NPR1: variants seen among roughly 807,000 people sequenced by gnomAD.
The protein encoded by NPR1 is atrial natriuretic peptide receptor 1.
Under a neutral mutation model 116.9 loss-of-function variants are expected in NPR1, and 57 were observed. The ratio of observed to expected loss-of-function variants is 0.49; its 90% confidence interval spans 0.39 to 0.61. NPR1 has a LOEUF of 0.61. Among genes scored for constraint, NPR1 ranks in the 20% least tolerant of loss-of-function variants. NPR1 has a pLI of 0.00. For synonymous variants in NPR1, 555 were observed against 601.6 expected, an observed-to-expected ratio of 0.92 and a Z score of 1.13; for missense variants, 1,096 against 1,409.8, an observed-to-expected ratio of 0.78 and a Z score of 3.56.
Position 153,679,922 on chromosome 1 carries a change from G to A in NPR1, c.721+93G>A. On this transcript the variant is annotated intron_variant, in intron 1 of 21. Transcript: ENST00000368680. The surrounding 1 kb of genome is among the most constrained non-coding windows in gnomAD (Gnocchi z 4.2). ...TCGGGACTTTCTCTCTCATCTGGGG[G>A]CACTCTTCTTTCTCCTCGCCGTTCT... 6.9e-7 allele frequency: 1 copy of A among 1,450,312 alleles called. No homozygotes were observed. The highest frequency in any genetic ancestry group is 9.1e-7 in the Non-Finnish European group (1 of 1,095,582). 89.8% of individuals were successfully genotyped at this position (1,450,312 alleles called of 1,614,324 possible). A position where few individuals can be genotyped will look rare whatever the true frequency, so the allele number is the denominator to read the frequency against.
At position 153,688,042 on chromosome 1, in the gene NPR1, C is replaced by T. The variant is rs778388736; in HGVS notation, c.2249-11C>T. 1 of 1,596,264 alleles carries T rather than the reference C, an allele frequency of 6.3e-7. No individual in the cohort carries two copies. Among genetic ancestry groups the T allele is most frequent in the South Asian group, 1.1e-5 (1 of 89,446 alleles). On this transcript the variant is annotated splice_polypyrimidine_tract_variant and intron_variant, in intron 14 of 21. Coordinates refer to ENST00000368680, the MANE Select transcript of NPR1 (RefSeq NM_000906.4). ...GCCCCACCCCTCAGCTCCTCTACCC[C>T]CCCAATACAGAGATCATCGAGCGGG...
chr1:153,688,288 G>A, intron 15 of NPR1, 67 bp downstream of exon 15: 1 of 1,543,960 alleles, frequency 6.5e-7, no homozygotes, highest in Non-Finnish European at 8.8e-7. Flanking sequence ...TAATGCTTCT[G>A]GCTCTGGCTT....
intron 15 of NPR1, chr1:153,688,744 G>A (rs1008456858): frequency 1.7e-5 from 10 of 605,548 alleles, no homozygotes; most frequent in Non-Finnish European, 2.6e-5. Flanking sequence ...TATGTCTGAA[G>A]CTTCATACTT....
chr1:153,679,888 C>A lies in NPR1; in HGVS notation c.721+59C>A. Reference sequence around the variant, plus strand: ...GCCGCAGGGCCTCCCCTCTGACCTGCCGGAGGCATCGGGACTTTCTCTCTC... The same window carrying A: ...GCCGCAGGGCCTCCCCTCTGACCTGACGGAGGCATCGGGACTTTCTCTCTC... On this transcript the variant is annotated intron_variant, in intron 1 of 21. Transcript: ENST00000368680. The surrounding 1 kb of genome is among the most constrained non-coding windows in gnomAD (Gnocchi z 4.2). The A allele has an allele frequency of 6.6e-7, 1 of 1,509,098 alleles. No homozygotes were observed. Among genetic ancestry groups the A allele is most frequent in the Non-Finnish European group, 8.8e-7 (1 of 1,138,084 alleles). 93.5% of individuals were successfully genotyped at this position (1,509,098 alleles called of 1,614,324 possible).
At chr1:153,683,679 G>A (rs1402099597) in intron 6 of NPR1, 61 bp from the exon 7 acceptor site, 14 of 1,575,794 alleles carry the variant, frequency 8.9e-6, no homozygotes, top group Middle Eastern at 3.3e-4. Context: ...CTATTAGAAA[G>A]TTCTTCCTCC....
In NPR1 at chr1:153,687,640, T is replaced by G. The variant is rs780870257; in HGVS notation, c.2099T>G (p.Leu700Arg). ...ACCGACCTCTGACCCACAGAAAAGC[T>G]GTGGACGGCCCCTGAGCTCCTGCGA... is the stretch of plus-strand genomic sequence containing the variant. ...EQGHTVYAKK[L>R]WTAPELLRMA... Residue 700 changes from leucine (L) to arginine (R), a missense_variant, in exon 14 of 22, where the codon CTG becomes CGG. Leu to Arg is a moderately radical substitution (Grantham distance 102, BLOSUM62 -2). Coordinates refer to ENST00000368680, the MANE Select transcript of NPR1 (RefSeq NM_000906.4). The G allele has an allele frequency of 6.9e-6, 11 of 1,583,964 alleles. No homozygotes were observed. Among genetic ancestry groups the G allele is most frequent in the Non-Finnish European group, 3.4e-6 (4 of 1,160,594 alleles).
At position 153,682,606 on chromosome 1, in the gene NPR1, A is replaced by G. The variant is rs1171930000; in HGVS notation, c.1263+17A>G. 1.3e-6 allele frequency: 2 copies of G among 1,585,476 alleles called. No homozygotes were observed. Among genetic ancestry groups the G allele is most frequent in the Non-Finnish European group, 1.7e-6 (2 of 1,154,334 alleles). The stretch of plus-strand genomic sequence containing the variant: ...GCCTTCAGGGTAAGTTTGTGCACCC[A>G]GAAGACAGTGCCAATTCCAAATGAC... On this transcript the variant is annotated intron_variant, in intron 5 of 21. Transcript: ENST00000368680.
At chr1:153,690,480 T>A (rs978751553) in intron 20 of NPR1, 98 bp downstream of exon 20, 24 of 839,146 alleles carry the variant, frequency 2.9e-5, no homozygotes, top group Non-Finnish European at 4.2e-5. Context: ...TTTCAGCTCC[T>A]AGCCCTTTCG....
At chr1:153,683,976 A>G (rs1416359301) in intron 7 of NPR1, 152 bp downstream of exon 7, 1 of 674,996 alleles carries the variant, frequency 1.5e-6, no homozygotes, top group East Asian at 2.5e-5. Flanking sequence ...CTTAAAAGCC[A>G]GAGGAGAAAG....
rs760436123 is a variant in NPR1 at position 153,683,419 on chromosome 1, T to C, written c.1307T>C (p.Val436Ala). 6.2e-7 allele frequency: 1 copy of C among 1,614,194 alleles called. No homozygotes were observed. Among genetic ancestry groups the C allele is most frequent in the Non-Finnish European group, 8.5e-7 (1 of 1,180,026 alleles). ...GGGACTTCCCAAGAGCTGGTGGCTG[T>C]GTCGGGGCGCAAACTGAACTGGCCC... Reference protein sequence around the residue: ...YNGTSQELVAVSGRKLNWPLG... With the variant: ...YNGTSQELVAASGRKLNWPLG... The change falls in exon 6 of 22, where the codon GTG becomes GCG. Residue 436 changes from valine (V) to alanine (A), a missense_variant. Coordinates refer to ENST00000368680, the MANE Select transcript of NPR1 (RefSeq NM_000906.4).
Position 153,679,155 on chromosome 1 carries a change from T to C in NPR1, c.47T>C (p.Leu16Pro). Residue 16 changes from leucine to proline, a missense_variant, in exon 1 of 22, where the codon CTG (leucine) becomes CCG (proline). By Grantham distance (98) the Leu-to-Pro change is moderately conservative. Transcript: ENST00000368680. The surrounding 1 kb of genome is among the most constrained non-coding windows in gnomAD (Gnocchi z 4.2). ...RPAGSRLRLL[L>P]LLLLPPLLLL... is the part of the protein sequence containing the mutation. ...GCTGGCTCCCGCCTGCGCCTGCTCC[T>C]GCTCCTGCTGCTGCCGCCGCTGCTG... 1 of 1,496,330 alleles carries C rather than the reference T, an allele frequency of 6.7e-7. No homozygotes were observed. Among genetic ancestry groups the C allele is most frequent in the South Asian group, 1.3e-5 (1 of 79,542 alleles). The allele number at this position is 1,496,330 out of a possible 1,614,324, so 92.7% of individuals were successfully genotyped here.
Position 153,687,082 on chromosome 1 carries a change from G to A in NPR1, c.1930G>A (p.Val644Ile), listed in dbSNP as rs191813645. ...MFRYSLTNDI[V>I]KGMLFLHNGA... Reference sequence around the variant, plus strand: ...CCGGTACTCACTCACCAATGACATCGTCAAGGTATGCCCCTAAGCACCTAT... The same window carrying A: ...CCGGTACTCACTCACCAATGACATCATCAAGGTATGCCCCTAAGCACCTAT... The change falls in exon 12 of 22, where the codon GTC becomes ATC. Residue 644 changes from valine (V) to isoleucine (I), a missense_variant. Val to Ile is a conservative substitution (Grantham distance 29). Transcript: ENST00000368680. 5.6e-6 allele frequency: 9 copies of A among 1,614,084 alleles called. No individual in the cohort carries two copies. The highest frequency in any genetic ancestry group is 4.5e-5 in the East Asian group (2 of 44,892).
intron 15 of NPR1, 89 bp from the exon 16 acceptor site, chr1:153,688,864 T>C (rs1571351733): frequency 6.5e-7 from 1 of 1,539,638 alleles, no homozygotes; most frequent in Non-Finnish European, 8.9e-7. Flanking sequence ...CTCACTGCAG[T>C]CTGGAGGGGG....
Position 153,686,640 on chromosome 1 carries a change from T to A in NPR1, c.1759-6T>A. 6.2e-7 allele frequency: 1 copy of A among 1,612,410 alleles called. No individual in the cohort carries two copies. The highest frequency in any genetic ancestry group is 8.5e-7 in the Non-Finnish European group (1 of 1,178,984). On this transcript the variant is annotated splice_region_variant and splice_polypyrimidine_tract_variant and intron_variant, in intron 10 of 21. Coordinates refer to ENST00000368680, the MANE Select transcript of NPR1 (RefSeq NM_000906.4). ...GTCAAGCTCCTGATGCTGGTCCCAC[T>A]TGCAGATGCGGGATGTGCAGAATGA...
chr1:153,692,589 T>C (rs1670137468), intron 20 of NPR1, among the ~76,000 whole-genome samples: 1 of 151,624 alleles, frequency 6.6e-6, no homozygotes, highest in Non-Finnish European at 1.5e-5. Flanking sequence ...CTCGGCTCAC[T>C]GCAACCTCCG....
At chr1:153,683,909 A>T in intron 7 of NPR1, 85 bp downstream of exon 7, 1 of 1,220,174 alleles carries the variant, frequency 8.2e-7, no homozygotes, top group Non-Finnish European at 1.2e-6. Context: ...CAGAGGGAAG[A>T]GGGCAGGGGT....
intron 2 of NPR1, 53 bp downstream of exon 2, chr1:153,680,753 C>T: frequency 1.4e-6 from 2 of 1,435,970 alleles, no homozygotes; most frequent in Non-Finnish European, 1.9e-6. Context: ...CACATCATTT[C>T]TGGGCACTGT....
At chr1:153,684,386 C>CTTTTTTTTTTTTTTT (rs58272090) in intron 7 of NPR1, among the ~76,000 whole-genome samples, 62 of 88,974 alleles carry the variant, frequency 7.0e-4, no homozygotes, top group East Asian at 1.6e-3. Flanking sequence ...TTCTTTCTTT[C>CTTTTTTTTTTTTTTT]TTTTTTTTTT....
In NPR1 at chr1:153,689,245, T is replaced by A. The variant is rs1236875536; in HGVS notation, c.2622T>A (p.Ser874Arg). Residue 874 changes from serine (S) to arginine (R), a missense_variant, in exon 17 of 22, where the codon AGT becomes AGA. Physicochemically the swap from Ser to Arg is moderately radical, Grantham distance 110. Transcript: ENST00000368680. The surrounding 1 kb of genome is among the most constrained non-coding windows in gnomAD (Gnocchi z 5.1). ...CGGTGCAGGCCGAAGCCTTTGACAG[T>A]GTTACCATCTACTTCAGTGACATTG... is the stretch of plus-strand genomic sequence containing the variant. ...GETVQAEAFD[S>R]VTIYFSDIVG... The A allele has an allele frequency of 1.2e-6, 2 of 1,614,028 alleles. No homozygotes were observed. Among genetic ancestry groups the A allele is most frequent in the Non-Finnish European group, 1.7e-6 (2 of 1,180,032 alleles).
Sources: allele counts gnomAD v4.1 joint callset (sites outside exome capture counted in the v4.1 genomes callset), GRCh38; gene constraint gnomAD v4.1.1; non-coding constraint Gnocchi (gnomAD v3.1); transcripts MANE v1.5; gene names NCBI Gene and HGNC (gene_info 2026-07-23, HGNC 2026-07-21).